PAX5: variants seen among roughly 807,000 people sequenced by gnomAD.
PAX5 encodes the protein paired box 5.
PAX5 carries 9 observed loss-of-function variants against 43.7 expected under a neutral mutation model. The observed-to-expected ratio is 0.21, with a 90% CI of 0.12 to 0.36. The LOEUF is 0.36. PAX5 is among the 10% of genes least tolerant of loss of function. The pLI is 1.00. For missense variants in PAX5, 383 were observed against 532.7 expected (o/e 0.72, Z 2.77); for synonymous variants, 228 against 214.3 (o/e 1.06, Z -0.56).
At chr9:36,842,336 C>T (rs956515012) in intron 9 of PAX5, among the ~76,000 whole-genome samples, 12 of 152,068 alleles carry the variant, frequency 7.9e-5, no homozygotes, top group Admixed American at 7.2e-4. Flanking sequence ...GGGCATGGCA[C>T]GAAGGCAGGG....
intron 5 of PAX5, among the ~76,000 whole-genome samples, chr9:37,000,492 C>A (rs905160489): frequency 2.6e-5 from 4 of 152,214 alleles, no homozygotes; most frequent in African/African-American, 9.7e-5. Context: ...GTGGCTCATG[C>A]CTGTAATCCC....
chr9:36,895,903 G>C (rs1246057383), intron 7 of PAX5, among the ~76,000 whole-genome samples: 1 of 152,184 alleles, frequency 6.6e-6, no homozygotes, highest in African/African-American at 2.4e-5. Context: ...GAAGCTAAGG[G>C]GTAAGTTCAG....
chr9:36,839,255 G>C lies in PAX5; in HGVS notation c.*1305C>G. The C allele has an allele frequency of 4.3e-6, 1 of 233,580 alleles. No homozygotes were observed. The highest frequency in any genetic ancestry group is 8.5e-6 in the Non-Finnish European group (1 of 118,228). The allele number at this position is 233,580 out of a possible 1,614,324, so 14.5% of individuals were successfully genotyped here. A position where few individuals can be genotyped will look rare whatever the true frequency, so the allele number is the denominator to read the frequency against. ...CTCTGACCACCCTAGCCCACAGTGA[G>C]TTCTCCAAGCTCCCTCTCCAAGTTC... On this transcript the variant is annotated 3_prime_UTR_variant, in exon 10 of 10. Transcript: ENST00000358127.
intron 6 of PAX5, among the ~76,000 whole-genome samples, chr9:36,925,040 G>A (rs1257671686): frequency 6.6e-6 from 1 of 152,060 alleles, no homozygotes; most frequent in Non-Finnish European, 1.5e-5. Flanking sequence ...GGCACCCTGA[G>A]TAAAATGATG....
chr9:37,033,930 C>T (rs1841266081), intron 1 of PAX5, 56 bp downstream of exon 1: 1 of 1,579,464 alleles, frequency 6.3e-7, no homozygotes, highest in Non-Finnish European at 8.7e-7. Flanking sequence ...GCGTGGGGAC[C>T]AAGGCCTGGC....
intron 1 of PAX5, among the ~76,000 whole-genome samples, chr9:37,029,836 T>C (rs1461865284): frequency 6.6e-6 from 1 of 152,086 alleles, no homozygotes; most frequent in Non-Finnish European, 1.5e-5. Context: ...ATTTCACGGG[T>C]GCAGAACCCG....
chr9:36,888,818 C>T (rs1031427299), intron 7 of PAX5, among the ~76,000 whole-genome samples: 1 of 152,198 alleles, frequency 6.6e-6, no homozygotes, highest in African/African-American at 2.4e-5. Flanking sequence ...AAGCCACCCA[C>T]ATCTGCTCTC....
chr9:37,031,021 A>G (rs925815397), intron 1 of PAX5, among the ~76,000 whole-genome samples: 1 of 152,258 alleles, frequency 6.6e-6, no homozygotes, highest in African/African-American at 2.4e-5. Context: ...AGGGAAAGAA[A>G]TTGACCTGAA....
chr9:36,836,996 G>A lies in PAX5; in HGVS notation c.*3564C>T, dbSNP rs1821689038. 4.3e-6 allele frequency: 1 copy of A among 232,678 alleles called. No homozygotes were observed. The highest frequency in any genetic ancestry group is 1.8e-4 in the South Asian group (1 of 5,526). The allele number at this position is 232,678 out of a possible 1,614,324, so 14.4% of individuals were successfully genotyped here. A position where few individuals can be genotyped will look rare whatever the true frequency, so the allele number is the denominator to read the frequency against. ...GACTCCGCAGGTTTCAATGTTCTTA[G>A]GAAACAAAGCCGCCAACCTGCAGGC... On this transcript the variant is annotated 3_prime_UTR_variant, in exon 10 of 10. Coordinates refer to ENST00000358127, the MANE Select transcript of PAX5 (RefSeq NM_016734.3).
intron 6 of PAX5, among the ~76,000 whole-genome samples, chr9:36,953,524 C>T (rs1206127256): frequency 6.6e-6 from 1 of 152,118 alleles, no homozygotes; most frequent in African/African-American, 2.4e-5. Context: ...TTTTTTCATT[C>T]TTTTTTCTCT....
intron 7 of PAX5, among the ~76,000 whole-genome samples, chr9:36,915,889 T>C (rs181746811): frequency 2.6e-5 from 4 of 151,894 alleles, no homozygotes; most frequent in Non-Finnish European, 5.9e-5. Flanking sequence ...CTGGGCAACA[T>C]AGGGAGACCC....
At chr9:37,033,401 G>A (rs1395139121) in intron 1 of PAX5, among the ~76,000 whole-genome samples, 2 of 152,190 alleles carry the variant, frequency 1.3e-5, no homozygotes, top group African/African-American at 4.8e-5. Flanking sequence ...AAAGGTCAGT[G>A]TAGCCACTTC....
chr9:36,846,686 G>A (rs1822605881), intron 9 of PAX5, among the ~76,000 whole-genome samples, 157 bp downstream of exon 9: 5 of 152,130 alleles, frequency 3.3e-5, no homozygotes, highest in Admixed American at 3.3e-4. Flanking sequence ...CTGCCCTAAG[G>A]CCCCCATGAA....
chr9:36,964,258 G>C (rs1285815909), intron 6 of PAX5, among the ~76,000 whole-genome samples: 3 of 151,142 alleles, frequency 2.0e-5, no homozygotes, highest in African/African-American at 7.3e-5. Context: ...TCCAGCCTGG[G>C]CGACACAACA....
At chr9:36,985,710 G>A (rs1836337870) in intron 5 of PAX5, among the ~76,000 whole-genome samples, 1 of 152,188 alleles carries the variant, frequency 6.6e-6, no homozygotes, top group Admixed American at 6.5e-5. Context: ...GAGATGGAAG[G>A]AAGGCCTTCC....
rs572518871 is a variant in PAX5 at position 37,033,481 on chromosome 9, T to A, written c.46+505A>T. On this transcript the variant is annotated intron_variant, in intron 1 of 9. Transcript: ENST00000358127. ...GACCCTTTAAATAGTGGATGTACACTCAGATATTTCCGAATTACATAAATA... is the reference window on the plus strand; with the variant it reads ...GACCCTTTAAATAGTGGATGTACACACAGATATTTCCGAATTACATAAATA... Among the ~76,000 whole-genome samples, 3 of 152,256 alleles carry A rather than the reference T, an allele frequency of 2.0e-5. No individual in the cohort carries two copies. In the East Asian group the frequency reaches 5.8e-4, roughly 29 times the overall value.
At chr9:36,970,718 T>C (rs1467345928) in intron 5 of PAX5, among the ~76,000 whole-genome samples, 1 of 152,168 alleles carries the variant, frequency 6.6e-6, no homozygotes, top group Non-Finnish European at 1.5e-5. Context: ...CCATCTCCCA[T>C]GGACACGGGC....
At chr9:36,915,497 A>C (rs1475244939) in intron 7 of PAX5, among the ~76,000 whole-genome samples, 1 of 152,234 alleles carries the variant, frequency 6.6e-6, no homozygotes, top group African/African-American at 2.4e-5. Flanking sequence ...TTCCCAATGA[A>C]AAGATGTTCA....
intron 2 of PAX5, among the ~76,000 whole-genome samples, chr9:37,017,693 C>G (rs181921184): frequency 3.3e-4 from 50 of 152,352 alleles, no homozygotes; most frequent in African/African-American, 1.2e-3. Flanking sequence ...CCCAGCCTGG[C>G]CCCCACTTAC....
Sources: allele counts gnomAD v4.1 joint callset (sites outside exome capture counted in the v4.1 genomes callset), GRCh38; gene constraint gnomAD v4.1.1; transcripts MANE v1.5; gene names NCBI Gene and HGNC (gene_info 2026-07-23, HGNC 2026-07-21).